The following PCNX1 variants were observed in gnomAD, a reference collection of about 807,000 sequenced individuals.
PCNX1 encodes pecanex 1.
A neutral mutation model predicts 242.2 loss-of-function variants in PCNX1; 78 were observed. That is an observed-to-expected ratio of 0.32 (90% CI 0.27 to 0.39). PCNX1 has a LOEUF of 0.39. Among genes scored for constraint, PCNX1 ranks in the 10% least tolerant of loss-of-function variants. The pLI, the probability that PCNX1 is intolerant of heterozygous loss-of-function variation, is 1.00. For synonymous variants in PCNX1, 1,024 were observed against 1,032.9 expected, an observed-to-expected ratio of 0.99 and a Z score of 0.17; for missense variants, 2,581 against 2,856.5, an observed-to-expected ratio of 0.90 and a Z score of 2.20.
intron 1 of PCNX1, among the ~76,000 whole-genome samples, chr14:70,918,375 C>T (rs144669838): frequency 1.6e-3 from 240 of 152,248 alleles, no homozygotes; most frequent in Non-Finnish European, 2.7e-3. Context: ...TCTTTACTAT[C>T]GTCTGTGGGC....
intron 30 of PCNX1, among the ~76,000 whole-genome samples, chr14:71,094,416 G>A (rs997120491): frequency 2.6e-5 from 4 of 152,186 alleles, no homozygotes; most frequent in African/African-American, 9.7e-5. Flanking sequence ...CTTAAAATGG[G>A]TGCATTTTGT....
chr14:71,028,733 T>G lies in PCNX1; in HGVS notation c.3500T>G (p.Phe1167Cys). The change falls in exon 16 of 36, where the codon TTT (phenylalanine) becomes TGT (cysteine). Residue 1167 changes from phenylalanine to cysteine, a missense_variant. This residue lies in a region of PCNX1 where 432 missense variants were observed against 443.1 expected (regional missense o/e 0.97). Coordinates refer to ENST00000304743, the MANE Select transcript of PCNX1 (RefSeq NM_014982.3). ...TTSLLAALYSFICSIVAVALL... is the reference protein window; with the variant it reads ...TTSLLAALYSCICSIVAVALL... ...AGCCTGCTTGCAGCACTTTACAGTTTTATCTGTAGCATTGTTGCAGTAGCC... is the reference window on the plus strand; with the variant it reads ...AGCCTGCTTGCAGCACTTTACAGTTGTATCTGTAGCATTGTTGCAGTAGCC... The G allele has an allele frequency of 6.2e-7, 1 of 1,608,806 alleles. No homozygotes were observed. The highest frequency in any genetic ancestry group is 1.3e-5 in the African/African-American group (1 of 74,838).
At chr14:71,016,716 G>A (rs751271870) in intron 11 of PCNX1, among the ~76,000 whole-genome samples, 31 of 152,156 alleles carry the variant, frequency 2.0e-4, no homozygotes, top group Non-Finnish European at 3.7e-4. Context: ...TTTTGGGAAT[G>A]CCACTAACTT....
Position 70,995,820 on chromosome 14 carries a change from C to T in PCNX1, c.2524C>T (p.Leu842Phe). The T allele has an allele frequency of 6.2e-7, 1 of 1,613,844 alleles. No homozygotes were observed. Among genetic ancestry groups the T allele is most frequent in the Non-Finnish European group, 8.5e-7 (1 of 1,179,764 alleles). The change falls in exon 8 of 36, where the codon CTC becomes TTC. Residue 842 changes from leucine to phenylalanine, a missense_variant. Leu to Phe is a conservative substitution (Grantham distance 22). Coordinates refer to ENST00000304743, the MANE Select transcript of PCNX1 (RefSeq NM_014982.3). ...CCGCCCCCCTTCCCAGGCTGCAGTG[C>T]TCAGTGCTAGTGCCTCCTTGCTGGT... ...QSRPPSQAAVLSASASLLVRN... is the reference protein window; with the variant it reads ...QSRPPSQAAVFSASASLLVRN...
Position 70,968,208 on chromosome 14 carries a change from G to T in PCNX1, c.479G>T (p.Gly160Val), listed in dbSNP as rs1484095733. ...GLDPSNQIGS[G>V]SSRLGTAATI... is the part of the protein sequence containing the mutation. ...ATGTCACGTTTTCAGATTGGATCTGGTTCCTCGCGTCTTGGAACAGCAGCA... is the reference window on the plus strand; with the variant it reads ...ATGTCACGTTTTCAGATTGGATCTGTTTCCTCGCGTCTTGGAACAGCAGCA... Residue 160 changes from glycine to valine, a missense_variant, in exon 4 of 36, where the codon GGT becomes GTT. This residue lies in a region of PCNX1 where 1,204 missense variants were observed against 1,216.7 expected (regional missense o/e 0.99). Coordinates refer to ENST00000304743, the MANE Select transcript of PCNX1 (RefSeq NM_014982.3). 1 of 1,612,792 alleles carries T rather than the reference G, an allele frequency of 6.2e-7. No individual in the cohort carries two copies. The highest frequency in any genetic ancestry group is 1.7e-5 in the Admixed American group (1 of 59,982).
intron 1 of PCNX1, among the ~76,000 whole-genome samples, chr14:70,943,421 C>A (rs769228926): frequency 2.0e-4 from 31 of 152,196 alleles, no homozygotes; most frequent in Non-Finnish European, 3.2e-4. Context: ...GTGACTCTTG[C>A]TATGCTTTAT....
chr14:71,009,558 T>TA (rs762984285), intron 8 of PCNX1, 76 bp from the exon 9 acceptor site: 7 of 808,208 alleles, frequency 8.7e-6, no homozygotes, highest in African/African-American at 1.7e-5. Context: ...TGTAGAAACT[T>TA]ACGAAATTTA....
chr14:71,072,962 A>G (rs971470689), intron 26 of PCNX1, among the ~76,000 whole-genome samples: 10 of 152,198 alleles, frequency 6.6e-5, no homozygotes, highest in African/African-American at 2.4e-4. Context: ...CATTTGAAAC[A>G]TTTAGAAATC....
chr14:71,053,824 A>G (rs2061107700), intron 24 of PCNX1, among the ~76,000 whole-genome samples: 1 of 152,240 alleles, frequency 6.6e-6, no homozygotes, highest in Non-Finnish European at 1.5e-5. Flanking sequence ...CCCCCAAAAA[A>G]TTAGTGAGAA....
chr14:71,076,448 G>C, intron 28 of PCNX1, 29 bp downstream of exon 28: 1 of 1,438,172 alleles, frequency 7.0e-7, no homozygotes, highest in Non-Finnish European at 9.8e-7. Context: ...ATAACTCTTT[G>C]AATCCAGGTT....
At chr14:71,044,709 C>T (rs773579359) in intron 19 of PCNX1, 24 of 156,446 alleles carry the variant, frequency 1.5e-4, no homozygotes, top group Admixed American at 8.4e-4. Context: ...GGCACATAAC[C>T]GTGTGCTAAG....
At chr14:71,032,230 T>C (rs2060408579) in intron 16 of PCNX1, among the ~76,000 whole-genome samples, 1 of 152,252 alleles carries the variant, frequency 6.6e-6, no homozygotes, top group Non-Finnish European at 1.5e-5. Flanking sequence ...ACTGTGTAAA[T>C]GCTCTTCCTT....
chr14:71,021,515 C>T (rs1400951333), intron 12 of PCNX1, among the ~76,000 whole-genome samples: 2 of 152,282 alleles, frequency 1.3e-5, no homozygotes, highest in East Asian at 1.9e-4. Context: ...TTTTTACTAA[C>T]AGCTGTCCAT....
intron 8 of PCNX1, among the ~76,000 whole-genome samples, chr14:70,997,554 A>G (rs1393310380): frequency 6.6e-6 from 1 of 152,128 alleles, no homozygotes; most frequent in Non-Finnish European, 1.5e-5. Flanking sequence ...ACCTCTTCTG[A>G]TTGGAGACGA....
rs1477496136 is a variant in PCNX1, at chr14:71,111,598, A to G, written c.*1663A>G. ...AAGAGAGAAGCTGTTTTTCCTACCA[A>G]TTCTGATGTAGATCTCACATTATAG... On this transcript the variant is annotated 3_prime_UTR_variant, in exon 36 of 36. Transcript: ENST00000304743. 4 of 152,198 alleles carry G rather than the reference A, an allele frequency of 2.6e-5. No individual in the cohort carries two copies. The highest frequency in any genetic ancestry group is 1.9e-4 in the East Asian group (1 of 5,204). 9.4% of individuals were successfully genotyped at this position (152,198 alleles called of 1,614,324 possible). A position where few individuals can be genotyped will look rare whatever the true frequency, so the allele number is the denominator to read the frequency against.
At chr14:71,033,137 G>C (rs933315615) in intron 16 of PCNX1, among the ~76,000 whole-genome samples, 1 of 152,160 alleles carries the variant, frequency 6.6e-6, no homozygotes, top group Admixed American at 6.5e-5. Flanking sequence ...TGAAAGAATT[G>C]ATAGCCTCAT....
intron 33 of PCNX1, 102 bp from the exon 34 acceptor site, chr14:71,108,502 A>G: frequency 1.2e-6 from 1 of 834,764 alleles, no homozygotes; most frequent in Non-Finnish European, 1.9e-6. Context: ...CTGTCAGTTC[A>G]CCAATTAATT....
rs1416256865 is a variant in PCNX1 at position 70,942,085 on chromosome 14, A to T, written c.154-4830A>T. 2.6e-5 allele frequency among the ~76,000 whole-genome samples: 4 copies of T among 152,058 alleles called. No individual in the cohort carries two copies. In the East Asian group the frequency reaches 7.7e-4, roughly 29 times the overall value. ...TCCAACCCCTTGCACTTCCCGGGTG[A>T]GGTGATGCCCAGTCCTGCTTTGGCT... On this transcript the variant is annotated intron_variant, in intron 1 of 35. Coordinates refer to ENST00000304743, the MANE Select transcript of PCNX1 (RefSeq NM_014982.3).
intron 2 of PCNX1, among the ~76,000 whole-genome samples, chr14:70,957,705 A>G (rs1028996179): frequency 1.3e-5 from 2 of 152,228 alleles, no homozygotes; most frequent in Non-Finnish European, 1.5e-5. Flanking sequence ...TGGTGGTTTC[A>G]TAATTTAATG....
Sources: allele counts gnomAD v4.1 joint callset (sites outside exome capture counted in the v4.1 genomes callset), GRCh38; gene constraint gnomAD v4.1.1; regional missense constraint gnomAD v4.1.1; transcripts MANE v1.5; gene names NCBI Gene and HGNC (gene_info 2026-07-23, HGNC 2026-07-21).